KCNK2: variants seen among roughly 807,000 people sequenced by gnomAD.
The protein encoded by KCNK2 is potassium channel subfamily K member 2.
KCNK2 carries 21 observed loss-of-function variants against 40.5 expected under a neutral mutation model. That is an observed-to-expected ratio of 0.52 (90% CI 0.37 to 0.75). The LOEUF is 0.75. Ranked by LOEUF, KCNK2 falls within the 30% of genes least tolerant of loss-of-function variation. The pLI, the probability that KCNK2 is intolerant of heterozygous loss-of-function variation, is 0.00. For synonymous variants in KCNK2, 191 were observed against 202.2 expected, an observed-to-expected ratio of 0.94 and a Z score of 0.47; for missense variants, 399 against 531.6, an observed-to-expected ratio of 0.75 and a Z score of 2.45.
At chr1:215,209,490 T>TA (rs1379903899) in intron 6 of KCNK2, among the ~76,000 whole-genome samples, 1,035 of 3,072 alleles carry the variant, frequency 0.34, 34 homozygotes, top group Non-Finnish European at 0.39. Context: ...ATATAATACA[T>TA]ATATATAATA....
At chr1:215,076,494 G>A (rs1658932036) in intron 1 of KCNK2, among the ~76,000 whole-genome samples, 1 of 152,108 alleles carries the variant, frequency 6.6e-6, no homozygotes, top group African/African-American at 2.4e-5. Context: ...CATGGCTGTT[G>A]GAAGGCCTCA....
At chr1:215,182,629 C>G (rs1011109689) in intron 5 of KCNK2, among the ~76,000 whole-genome samples, 2 of 152,118 alleles carry the variant, frequency 1.3e-5, no homozygotes, top group Admixed American at 6.6e-5. Context: ...ATTCCAGCAC[C>G]TACTGCTGAG....
At chr1:215,077,303 C>G (rs1253410857) in intron 1 of KCNK2, among the ~76,000 whole-genome samples, 1 of 152,082 alleles carries the variant, frequency 6.6e-6, no homozygotes, top group Non-Finnish European at 1.5e-5. Flanking sequence ...GTTGTCTCTC[C>G]CTGAGTTTTT....
intron 1 of KCNK2, among the ~76,000 whole-genome samples, chr1:215,016,643 T>G (rs2601613): frequency 0.56 from 85,135 of 151,992 alleles, 25,527 homozygotes; most frequent in South Asian, 0.78. Context: ...TCTGAAGTTG[T>G]AAAACCCCTG....
chr1:215,122,947 T>G (rs1276263912), intron 2 of KCNK2, among the ~76,000 whole-genome samples: 1 of 151,858 alleles, frequency 6.6e-6, no homozygotes, highest in African/African-American at 2.4e-5. Flanking sequence ...GGTTTCACCA[T>G]GTTAGCCAGG....
intron 2 of KCNK2, among the ~76,000 whole-genome samples, chr1:215,091,427 C>G (rs2102536839): frequency 6.6e-6 from 1 of 152,196 alleles, no homozygotes; most frequent in Non-Finnish European, 1.5e-5. Flanking sequence ...CTCGGAGCTA[C>G]AGGATAAATA....
chr1:215,204,326 T>C (rs1665217184), intron 6 of KCNK2, among the ~76,000 whole-genome samples: 1 of 151,952 alleles, frequency 6.6e-6, no homozygotes, highest in Admixed American at 6.6e-5. Context: ...AACTTTTTTT[T>C]TTGATTCATG....
intron 1 of KCNK2, among the ~76,000 whole-genome samples, chr1:215,061,491 TTTAAAAGTTA>T (rs1256566794): frequency 3.3e-5 from 5 of 152,100 alleles, no homozygotes; most frequent in Non-Finnish European, 7.4e-5. Flanking sequence ...TGTTTCTGGG[TTTAAAAGTTA>T]AAAGAAAAAA....
chr1:215,063,756 T>C (rs1658437941), intron 1 of KCNK2, among the ~76,000 whole-genome samples: 1 of 152,192 alleles, frequency 6.6e-6, no homozygotes, highest in Non-Finnish European at 1.5e-5. Context: ...ACACGGTACA[T>C]TAGCCTTCTT....
chr1:215,083,397 C>T lies in KCNK2; in HGVS notation c.12C>T (p.Ser4=). The T allele has an allele frequency of 6.2e-7, 1 of 1,614,062 alleles. No homozygotes were observed. Among genetic ancestry groups the T allele is most frequent in the Non-Finnish European group, 8.5e-7 (1 of 1,179,974 alleles). Reference sequence around the variant, plus strand: ...ATGCTGCATGCCTCATGCTTCCCAGCGCCTCGCGGGAGAGACCCGGCTATA... The same window carrying T: ...ATGCTGCATGCCTCATGCTTCCCAGTGCCTCGCGGGAGAGACCCGGCTATA... MLP[S]ASRERPGYRA... Residue 4 remains serine (S), a synonymous_variant, in exon 1 of 7, where the codon AGC becomes AGT. Coordinates refer to ENST00000444842, the MANE Select transcript of KCNK2 (RefSeq NM_001017425.3).
chr1:215,111,300 C>T (rs2102563224), intron 2 of KCNK2, among the ~76,000 whole-genome samples: 1 of 152,094 alleles, frequency 6.6e-6, no homozygotes, highest in Middle Eastern at 3.4e-3. Flanking sequence ...TGTCTTGTTC[C>T]TGATCTTAAA....
intron 2 of KCNK2, among the ~76,000 whole-genome samples, chr1:215,091,543 G>A (rs937795382): frequency 6.6e-6 from 1 of 152,208 alleles, no homozygotes; most frequent in Non-Finnish European, 1.5e-5. Flanking sequence ...AAAAGCATTT[G>A]TTGAATGCCT....
chr1:215,202,728 A>G (rs1249840099), intron 6 of KCNK2, among the ~76,000 whole-genome samples: 1 of 152,228 alleles, frequency 6.6e-6, no homozygotes, highest in Admixed American at 6.5e-5. Flanking sequence ...ACTAAATGAG[A>G]GAATGATGTA....
intron 3 of KCNK2, among the ~76,000 whole-genome samples, chr1:215,135,721 T>TTTTTA (rs1286937740): frequency 6.6e-6 from 1 of 151,702 alleles, no homozygotes; most frequent in African/African-American, 2.4e-5. Context: ...AACCAGTTAT[T>TTTTTA]TTTTATTTTA....
intron 3 of KCNK2, among the ~76,000 whole-genome samples, chr1:215,132,879 A>G (rs1661737807): frequency 6.6e-6 from 1 of 152,258 alleles, no homozygotes; most frequent in South Asian, 2.1e-4. Context: ...CTCCAAAGCA[A>G]TAATGAAATA....
At chr1:215,051,287 C>T (rs944522317) in intron 1 of KCNK2, among the ~76,000 whole-genome samples, 2 of 151,978 alleles carry the variant, frequency 1.3e-5, no homozygotes, top group Non-Finnish European at 2.9e-5. Context: ...ACAAAGTGTA[C>T]TGAAGCTAAA....
intron 5 of KCNK2, among the ~76,000 whole-genome samples, chr1:215,191,323 G>A (rs865916765): frequency 3.3e-5 from 5 of 151,662 alleles, no homozygotes; most frequent in Admixed American, 6.6e-5. Flanking sequence ...TGTCTGCCAC[G>A]GCCTCATGGG....
intron 3 of KCNK2, among the ~76,000 whole-genome samples, chr1:215,149,412 T>C (rs559619058): frequency 6.6e-6 from 1 of 152,276 alleles, no homozygotes; most frequent in African/African-American, 2.4e-5. Flanking sequence ...TTAGGAGACT[T>C]CCTCGGCACA....
intron 1 of KCNK2, among the ~76,000 whole-genome samples, chr1:215,037,912 TC>T (rs1657441277): frequency 1.3e-5 from 2 of 151,880 alleles, no homozygotes; most frequent in African/African-American, 4.8e-5. Flanking sequence ...ATATTTTCTC[TC>T]TTTCTTGAGA....
Sources: gnomAD v4.1 joint callset for allele counts (sites outside exome capture counted in the v4.1 genomes callset) on GRCh38, gnomAD v4.1.1 for gene constraint, MANE v1.5 for transcripts, NCBI Gene and HGNC (gene_info 2026-07-23, HGNC 2026-07-21) for gene names.